GABRG3: variants seen among roughly 807,000 people sequenced by gnomAD.
GABRG3 encodes gamma-aminobutyric acid type A receptor subunit gamma3, also known as gamma-aminobutyric acid receptor subunit gamma-3.
GABRG3 carries 25 observed loss-of-function variants against 48.8 expected under a neutral mutation model. The observed-to-expected ratio is 0.51, with a 90% CI of 0.37 to 0.72. The LOEUF is 0.72. Among genes scored for constraint, GABRG3 ranks in the 30% least tolerant of loss-of-function variants. The pLI is 0.00. For synonymous variants in GABRG3, 227 were observed against 217.6 expected, an observed-to-expected ratio of 1.04 and a Z score of -0.38; for missense variants, 394 against 577.9, an observed-to-expected ratio of 0.68 and a Z score of 3.26.
chr15:27,350,743 A>G (rs1389515823), intron 5 of GABRG3, among the ~76,000 whole-genome samples: 2 of 152,210 alleles, frequency 1.3e-5, no homozygotes, highest in Admixed American at 1.3e-4. Context: ...AGACAGCCCC[A>G]GACCTGGCAG....
intron 6 of GABRG3, among the ~76,000 whole-genome samples, chr15:27,511,287 C>T (rs1024164733): frequency 6.6e-6 from 1 of 152,114 alleles, no homozygotes; most frequent in African/African-American, 2.4e-5. Context: ...TACCTAACAC[C>T]GTGTATATGT....
At chr15:27,012,714 T>C (rs1320421745) in intron 2 of GABRG3, among the ~76,000 whole-genome samples, 1 of 152,202 alleles carries the variant, frequency 6.6e-6, no homozygotes, top group Non-Finnish European at 1.5e-5. Context: ...ATAGTACTCA[T>C]AACTATAAAA....
At chr15:27,259,973 G>A (rs1293683540) in intron 3 of GABRG3, among the ~76,000 whole-genome samples, 1 of 152,160 alleles carries the variant, frequency 6.6e-6, no homozygotes, top group African/African-American at 2.4e-5. Flanking sequence ...ATCTTCCTCA[G>A]TGACACTGGA....
intron 5 of GABRG3, among the ~76,000 whole-genome samples, chr15:27,402,364 A>G (rs1374707173): frequency 6.6e-6 from 1 of 152,206 alleles, no homozygotes; most frequent in African/African-American, 2.4e-5. Flanking sequence ...AAACAGAAGG[A>G]TGGCCATTTG....
chr15:27,155,020 A>G (rs527506350), intron 3 of GABRG3, among the ~76,000 whole-genome samples: 7 of 152,082 alleles, frequency 4.6e-5, no homozygotes, highest in African/African-American at 1.4e-4. Context: ...CTTCCATGAC[A>G]CAAATACTAG....
chr15:27,274,712 C>G (rs1891198448), intron 3 of GABRG3, among the ~76,000 whole-genome samples: 1 of 152,174 alleles, frequency 6.6e-6, no homozygotes, highest in African/African-American at 2.4e-5. Context: ...CACTTCTACC[C>G]TCATCTGATT....
chr15:27,029,325 A>G (rs139289358), intron 3 of GABRG3, among the ~76,000 whole-genome samples: 195 of 152,232 alleles, frequency 1.3e-3, no homozygotes, highest in African/African-American at 4.4e-3. Context: ...CTCAGCAGGG[A>G]TGGCACTGTC....
intron 3 of GABRG3, among the ~76,000 whole-genome samples, chr15:27,266,401 G>A (rs562123748): frequency 2.6e-5 from 4 of 151,922 alleles, no homozygotes; most frequent in East Asian, 3.9e-4. Context: ...CTGTTCCATC[G>A]ATCAATCTGT....
chr15:27,326,311 T>C (rs1371489417), intron 3 of GABRG3, among the ~76,000 whole-genome samples: 1 of 152,264 alleles, frequency 6.6e-6, no homozygotes, highest in African/African-American at 2.4e-5. Context: ...CAAGTACAAA[T>C]AGTCATAACT....
At chr15:27,077,749 C>G (rs1225930387) in intron 3 of GABRG3, among the ~76,000 whole-genome samples, 1 of 152,204 alleles carries the variant, frequency 6.6e-6, no homozygotes, top group African/African-American at 2.4e-5. Flanking sequence ...TCTTATTCAG[C>G]TGCAGATTAC....
chr15:27,001,811 A>T (rs1895451743), intron 2 of GABRG3, among the ~76,000 whole-genome samples: 2 of 151,596 alleles, frequency 1.3e-5, no homozygotes. Context: ...AATCTGGATT[A>T]ATCAATTGAC....
At chr15:27,480,171 A>G (rs1194543237) in intron 5 of GABRG3, among the ~76,000 whole-genome samples, 1 of 152,234 alleles carries the variant, frequency 6.6e-6, no homozygotes, top group Non-Finnish European at 1.5e-5. Context: ...GACTGATAGG[A>G]GAAAGGGTCT....
At chr15:27,496,601 G>A (rs1382790020) in intron 6 of GABRG3, among the ~76,000 whole-genome samples, 1 of 152,164 alleles carries the variant, frequency 6.6e-6, no homozygotes, top group Non-Finnish European at 1.5e-5. Context: ...GAAGCGTTAT[G>A]ATTATTTCAT....
At chr15:27,146,483 CTA>C (rs1207135335) in intron 3 of GABRG3, among the ~76,000 whole-genome samples, 5 of 151,996 alleles carry the variant, frequency 3.3e-5, no homozygotes, top group African/African-American at 1.2e-4. Flanking sequence ...ACAACAAAAA[CTA>C]GTAAAGATAG....
intron 5 of GABRG3, among the ~76,000 whole-genome samples, chr15:27,418,348 A>T (rs1888005613): frequency 6.6e-6 from 1 of 152,234 alleles, no homozygotes; most frequent in African/African-American, 2.4e-5. Context: ...AAGGCTGTCC[A>T]GGAGGAGAGG....
At chr15:27,153,253 T>C (rs1042090168) in intron 3 of GABRG3, among the ~76,000 whole-genome samples, 1 of 152,234 alleles carries the variant, frequency 6.6e-6, no homozygotes, top group African/African-American at 2.4e-5. Flanking sequence ...ATTGAGATTA[T>C]CTTTTTTTCA....
At chr15:27,135,513 G>A (rs1168202002) in intron 3 of GABRG3, among the ~76,000 whole-genome samples, 1 of 151,800 alleles carries the variant, frequency 6.6e-6, no homozygotes, top group African/African-American at 2.4e-5. Context: ...TCATTTGGAT[G>A]GATCAGACAG....
intron 2 of GABRG3, 93 bp downstream of exon 2, chr15:26,977,243 C>T: frequency 7.6e-7 from 1 of 1,319,820 alleles, no homozygotes; most frequent in Non-Finnish European, 1.1e-6. Context: ...AAGAGTATTG[C>T]AAAGATAGTG....
chr15:27,188,129 G>A (rs1211161624), intron 3 of GABRG3, among the ~76,000 whole-genome samples: 1 of 152,042 alleles, frequency 6.6e-6, no homozygotes, highest in Non-Finnish European at 1.5e-5. Flanking sequence ...GTCTATCATT[G>A]TTGGACATTT....
Sources: allele counts gnomAD v4.1 joint callset (sites outside exome capture counted in the v4.1 genomes callset), GRCh38; gene constraint gnomAD v4.1.1; transcripts MANE v1.5; gene names NCBI Gene and HGNC (gene_info 2026-07-23, HGNC 2026-07-21).